The following TRHDE variants were observed in gnomAD, a reference collection of about 807,000 sequenced individuals.
TRHDE encodes the protein thyrotropin-releasing hormone-degrading ectoenzyme.
In TRHDE, 72 loss-of-function variants were observed where a neutral mutation model predicts 125.7. The observed-to-expected ratio is 0.57, with a 90% CI of 0.47 to 0.70. The LOEUF is 0.70. TRHDE is among the 30% of genes least tolerant of loss of function. The pLI is 0.00. For missense variants in TRHDE, 1,110 were observed against 1,327.1 expected (o/e 0.84, Z 2.54); for synonymous variants, 509 against 509.1 (o/e 1.00, Z 0.00).
At chr12:72,402,629 A>G (rs143839533) in intron 3 of TRHDE, among the ~76,000 whole-genome samples, 284 of 152,304 alleles carry the variant, frequency 1.9e-3, no homozygotes, top group African/African-American at 6.5e-3. Flanking sequence ...GATCCTGTGC[A>G]AAGACTATTT....
intron 5 of TRHDE, among the ~76,000 whole-genome samples, chr12:72,474,982 A>C (rs113295457): frequency 6.7e-4 from 102 of 152,318 alleles, no homozygotes; most frequent in African/African-American, 2.3e-3. Context: ...CACTTGCACA[A>C]ATCTACAAGA....
At chr12:72,250,837 G>GATAGATATATAT (rs1555170852) in intron 2 of TRHDE, among the ~76,000 whole-genome samples, 4 of 117,932 alleles carry the variant, frequency 3.4e-5, no homozygotes, top group Admixed American at 2.6e-4. Flanking sequence ...ATGACTTACA[G>GATAGATATATAT]ATATATATAT....
chr12:72,291,631 C>A (rs1046498363), intron 2 of TRHDE, among the ~76,000 whole-genome samples: 1 of 152,274 alleles, frequency 6.6e-6, no homozygotes, highest in Non-Finnish European at 1.5e-5. Context: ...TGAACAGGAG[C>A]TAGAGTTTAT....
chr12:72,181,598 A>C (rs1258366245), intron 2 of TRHDE, among the ~76,000 whole-genome samples: 1 of 152,216 alleles, frequency 6.6e-6, no homozygotes, highest in African/African-American at 2.4e-5. Flanking sequence ...ATGTAGCATG[A>C]TTTAGAATTA....
chr12:72,562,293 A>G, intron 8 of TRHDE, 63 bp downstream of exon 8: 1 of 856,324 alleles, frequency 1.2e-6, no homozygotes, highest in Non-Finnish European at 1.9e-6. Flanking sequence ...CATTTATAAG[A>G]CATTCATAGC....
chr12:72,652,225 A>T, intron 15 of TRHDE, 97 bp from the exon 16 acceptor site: 1 of 824,874 alleles, frequency 1.2e-6, no homozygotes, highest in Non-Finnish European at 1.7e-6. Context: ...ATAATCTTTT[A>T]AAAAACTGAC....
chr12:72,104,247 G>A (rs1479960637), intron 1 of TRHDE, among the ~76,000 whole-genome samples: 1 of 152,050 alleles, frequency 6.6e-6, no homozygotes, highest in Non-Finnish European at 1.5e-5. Flanking sequence ...TTTATTAAAC[G>A]CCTTAAAAAT....
intron 5 of TRHDE, among the ~76,000 whole-genome samples, chr12:72,495,274 C>T (rs1877867320): frequency 6.6e-6 from 1 of 151,930 alleles, no homozygotes; most frequent in Non-Finnish European, 1.5e-5. Context: ...CACTTCCTGT[C>T]TCCTGTTTAC....
chr12:72,241,687 T>TAA (rs1457979745), intron 2 of TRHDE, among the ~76,000 whole-genome samples: 1 of 152,126 alleles, frequency 6.6e-6, no homozygotes, highest in African/African-American at 2.4e-5. Flanking sequence ...GGCCATAGAG[T>TAA]AAGTGTATAT....
intron 12 of TRHDE, among the ~76,000 whole-genome samples, chr12:72,599,020 A>G (rs1450025534): frequency 6.6e-6 from 1 of 152,104 alleles, no homozygotes; most frequent in Non-Finnish European, 1.5e-5. Flanking sequence ...CACTTAAAAT[A>G]ATGGCCTCCA....
At chr12:72,416,049 T>C (rs544000968) in intron 3 of TRHDE, among the ~76,000 whole-genome samples, 12 of 152,176 alleles carry the variant, frequency 7.9e-5, no homozygotes, top group African/African-American at 2.6e-4. Context: ...GCATTTGTTA[T>C]TGCCTGTTTT....
intron 15 of TRHDE, among the ~76,000 whole-genome samples, chr12:72,632,113 T>C (rs184538928): frequency 1.4e-4 from 21 of 152,130 alleles, no homozygotes; most frequent in African/African-American, 5.1e-4. Flanking sequence ...GGGGCTTTCA[T>C]AGACACTCAG....
intron 15 of TRHDE, among the ~76,000 whole-genome samples, chr12:72,639,975 C>A (rs1259756231): frequency 6.6e-5 from 10 of 152,048 alleles, no homozygotes; most frequent in East Asian, 1.9e-4. Context: ...TGCCCTGCCC[C>A]CCAGAGGTGG....
intron 2 of TRHDE, among the ~76,000 whole-genome samples, chr12:72,291,806 A>G (rs574081458): frequency 5.3e-5 from 8 of 152,318 alleles, no homozygotes; most frequent in East Asian, 1.9e-4. Flanking sequence ...TTGAGCATCT[A>G]TAGATTTTGG....
At position 72,377,979 on chromosome 12, in the gene TRHDE, A is replaced by G. The variant is rs1305155585; in HGVS notation, c.1189-16A>G. 2 of 1,543,902 alleles carry G rather than the reference A, an allele frequency of 1.3e-6. No homozygotes were observed. The highest frequency in any genetic ancestry group is 1.7e-6 in the Non-Finnish European group (2 of 1,149,196). ...GCTAAAAGGCTAAAGTAACTTTTATATATATTTTTAATTAGGTACGATTAT... is the reference window on the plus strand; with the variant it reads ...GCTAAAAGGCTAAAGTAACTTTTATGTATATTTTTAATTAGGTACGATTAT... On this transcript the variant is annotated splice_polypyrimidine_tract_variant and intron_variant, in intron 2 of 18. Transcript: ENST00000261180.
intron 2 of TRHDE, chr12:72,255,360 A>G (rs1878785594): frequency 6.6e-6 from 1 of 152,246 alleles, no homozygotes. Context: ...GAGACAGAAC[A>G]CACTCATATG....
intron 2 of TRHDE, among the ~76,000 whole-genome samples, chr12:72,233,052 T>G (rs1247853739): frequency 1.3e-5 from 2 of 152,166 alleles, no homozygotes; most frequent in African/African-American, 4.8e-5. Context: ...TATTTGTTAA[T>G]GAATGAGTAA....
intron 15 of TRHDE, among the ~76,000 whole-genome samples, chr12:72,637,370 T>G (rs1352117825): frequency 2.0e-5 from 3 of 152,228 alleles, no homozygotes; most frequent in African/African-American, 4.8e-5. Context: ...CATCTTTTAT[T>G]GCATCTATTT....
intron 12 of TRHDE, among the ~76,000 whole-genome samples, chr12:72,593,611 A>C (rs1045028702): frequency 6.6e-6 from 1 of 152,010 alleles, no homozygotes; most frequent in Non-Finnish European, 1.5e-5. Flanking sequence ...GGTGTGCTGC[A>C]CCTGTTAACT....
Sources: gnomAD v4.1 joint callset for allele counts (sites outside exome capture counted in the v4.1 genomes callset) on GRCh38, gnomAD v4.1.1 for gene constraint, MANE v1.5 for transcripts, NCBI Gene and HGNC (gene_info 2026-07-23, HGNC 2026-07-21) for gene names.